Variants in SPMIP2 observed in about 807,000 individuals in gnomAD.
SPMIP2 encodes the protein protein SPMIP2.
the SPMIP2 span, among the ~76,000 whole-genome samples, chr4:159,057,114 T>C: frequency 1.3e-5 from 2 of 152,176 alleles, no homozygotes; most frequent in African/African-American, 2.4e-5. Flanking sequence ...CTATGGACAA[T>C]GGGAGCCACT....
the SPMIP2 span, among the ~76,000 whole-genome samples, chr4:159,016,919 C>T: frequency 2.6e-5 from 4 of 152,148 alleles, no homozygotes; most frequent in African/African-American, 9.7e-5. Context: ...GGACAGTGAA[C>T]ATAAGTAACT....
At chr4:158,980,638 A>G in the SPMIP2 span, among the ~76,000 whole-genome samples, 1 of 152,218 alleles carries the variant, frequency 6.6e-6, no homozygotes, top group African/African-American at 2.4e-5. Context: ...AAAACTAACA[A>G]ACAGAAATAG....
chr4:158,927,084 T>C, the SPMIP2 span, among the ~76,000 whole-genome samples: 10 of 152,386 alleles, frequency 6.6e-5, no homozygotes, highest in South Asian at 6.2e-4. Context: ...CCTTTAGTTC[T>C]GTCAGTTTTT....
At chr4:159,055,971 A>T in the SPMIP2 span, among the ~76,000 whole-genome samples, 1 of 152,166 alleles carries the variant, frequency 6.6e-6, no homozygotes, top group Non-Finnish European at 1.5e-5. Flanking sequence ...ACAATAAGTT[A>T]TTCACACCTG....
the SPMIP2 span, among the ~76,000 whole-genome samples, chr4:159,041,851 G>A: frequency 6.6e-6 from 1 of 152,148 alleles, no homozygotes; most frequent in African/African-American, 2.4e-5. Context: ...CTGCACAATA[G>A]TGTTATGACA....
the SPMIP2 span, among the ~76,000 whole-genome samples, chr4:159,058,735 C>T: frequency 6.6e-6 from 1 of 152,020 alleles, no homozygotes; most frequent in Non-Finnish European, 1.5e-5. Flanking sequence ...GTAAAAGTGG[C>T]TTATTTCTAT....
chr4:159,054,048 A>T, the SPMIP2 span, among the ~76,000 whole-genome samples: 1 of 152,156 alleles, frequency 6.6e-6, no homozygotes, highest in Non-Finnish European at 1.5e-5. Context: ...ATCGTCACTC[A>T]CTGCAGTCTC....
chr4:158,930,911 ATCTTAC>A, the SPMIP2 span, among the ~76,000 whole-genome samples: 1 of 138,930 alleles, frequency 7.2e-6, no homozygotes, highest in Non-Finnish European at 1.5e-5. Context: ...CTTTGAGCTT[ATCTTAC>A]TCAGAGTTTG....
At chr4:159,065,525 C>T in the SPMIP2 span, among the ~76,000 whole-genome samples, 1 of 152,142 alleles carries the variant, frequency 6.6e-6, no homozygotes, top group Non-Finnish European at 1.5e-5. Context: ...TGAGACCAGC[C>T]TGGGCAGCAT....
the SPMIP2 span, among the ~76,000 whole-genome samples, chr4:158,985,439 T>G: frequency 6.6e-6 from 1 of 151,704 alleles, no homozygotes; most frequent in Non-Finnish European, 1.5e-5. Flanking sequence ...TCCACCATGA[T>G]CAAGTGGGCT....
At chr4:158,903,208 C>G in the SPMIP2 span, among the ~76,000 whole-genome samples, 15 of 152,148 alleles carry the variant, frequency 9.9e-5, no homozygotes, top group African/African-American at 3.1e-4. Flanking sequence ...GAGTTCCTCA[C>G]GGCTTCCCTT....
the SPMIP2 span, among the ~76,000 whole-genome samples, chr4:158,912,800 G>A: frequency 6.6e-6 from 1 of 152,136 alleles, no homozygotes; most frequent in African/African-American, 2.4e-5. Flanking sequence ...TTAGAAGAAA[G>A]CCTCATTGAT....
the SPMIP2 span, among the ~76,000 whole-genome samples, chr4:158,973,858 C>T: frequency 6.6e-6 from 1 of 151,888 alleles, no homozygotes; most frequent in Non-Finnish European, 1.5e-5. Flanking sequence ...TGGTGGCACA[C>T]ACCTGTGGTC....
At chr4:159,068,058 G>T in the SPMIP2 span, among the ~76,000 whole-genome samples, 1 of 152,182 alleles carries the variant, frequency 6.6e-6, no homozygotes, top group South Asian at 2.1e-4. Flanking sequence ...TTCCACTGTT[G>T]GTGGGACTGT....
the SPMIP2 span, among the ~76,000 whole-genome samples, chr4:159,043,765 C>T: frequency 6.6e-6 from 1 of 152,204 alleles, no homozygotes; most frequent in African/African-American, 2.4e-5. Context: ...GTCTCCTCTT[C>T]ACCCAGCTTC....
the SPMIP2 span, among the ~76,000 whole-genome samples, chr4:158,978,424 A>G: frequency 6.6e-6 from 1 of 152,340 alleles, no homozygotes; most frequent in African/African-American, 2.4e-5. Flanking sequence ...GTAGATGTCT[A>G]TTAGGTCTGC....
At chr4:159,008,775 T>A in the SPMIP2 span, among the ~76,000 whole-genome samples, 31 of 152,358 alleles carry the variant, frequency 2.0e-4, no homozygotes, top group African/African-American at 7.5e-4. Context: ...AAAACAATAT[T>A]GCATTGTCTT....
At chr4:158,956,289 G>A in the SPMIP2 span, among the ~76,000 whole-genome samples, 4 of 152,380 alleles carry the variant, frequency 2.6e-5, no homozygotes, top group African/African-American at 9.6e-5. Flanking sequence ...GCCCTAGCTG[G>A]GTGCGGTGGC....
chr4:159,027,646 TA>T, the SPMIP2 span, among the ~76,000 whole-genome samples: 3 of 152,224 alleles, frequency 2.0e-5, no homozygotes, highest in Admixed American at 6.5e-5. Context: ...AGGACTATTT[TA>T]TTATTTCTTC....
Sources: gnomAD v4.1 joint callset for allele counts (sites outside exome capture counted in the v4.1 genomes callset) on GRCh38, gnomAD v4.1.1 for gene constraint, MANE v1.5 for transcripts, NCBI Gene and HGNC (gene_info 2026-07-23, HGNC 2026-07-21) for gene names.